Variants in RREB1 observed in about 807,000 individuals in gnomAD.
The protein encoded by RREB1 is ras-responsive element-binding protein 1.
A neutral mutation model predicts 117.8 loss-of-function variants in RREB1; 27 were observed. The observed-to-expected ratio is 0.23, with a 90% CI of 0.17 to 0.32. The LOEUF (loss-of-function observed/expected upper bound fraction) is 0.32, where lower values mean the gene tolerates loss of function less well. Ranked by LOEUF, RREB1 falls within the 10% of genes least tolerant of loss-of-function variation. The pLI, the probability that RREB1 is intolerant of heterozygous loss-of-function variation, is 1.00. For synonymous variants in RREB1, 1,298 were observed against 1,026.7 expected (o/e 1.26, Z -5.05); for missense variants, 2,577 against 2,378.2 (o/e 1.08, Z -1.74).
chr6:7,221,237 C>T (rs985389041), intron 8 of RREB1, among the ~76,000 whole-genome samples: 8 of 151,926 alleles, frequency 5.3e-5, no homozygotes, highest in Non-Finnish European at 1.0e-4. Flanking sequence ...GGCGCAATCT[C>T]GGCTCACTGC....
intron 6 of RREB1, among the ~76,000 whole-genome samples, chr6:7,197,247 T>A (rs1353959175): frequency 6.6e-6 from 1 of 152,236 alleles, no homozygotes; most frequent in Non-Finnish European, 1.5e-5. Flanking sequence ...AGGAAATTAA[T>A]TTTCACTTTG....
At chr6:7,197,345 G>A (rs557926872) in intron 6 of RREB1, among the ~76,000 whole-genome samples, 14 of 152,302 alleles carry the variant, frequency 9.2e-5, no homozygotes, top group Non-Finnish European at 1.8e-4. Flanking sequence ...ACCCTGGCAG[G>A]GGCAAGCTTT....
rs1013945417 is a variant in RREB1 at position 7,210,996 on chromosome 6, C to T, written c.570+48C>T. ...ATTCACCTGCTCAGGGGACTTCTGT[C>T]AGAAATACCACTAATCTTTATTTTC... is the stretch of plus-strand genomic sequence containing the variant. On this transcript the variant is annotated intron_variant, in intron 7 of 12. Coordinates refer to ENST00000379938, the MANE Select transcript of RREB1 (RefSeq NM_001003699.4). 4 of 1,559,180 alleles carry T rather than the reference C, an allele frequency of 2.6e-6. No homozygotes were observed. The Admixed American group carries it at 7.4e-5, about 29-fold the overall frequency.
chr6:7,181,845 C>A, intron 3 of RREB1, 25 bp from the exon 4 acceptor site: 1 of 1,536,230 alleles, frequency 6.5e-7, no homozygotes, highest in Non-Finnish European at 9.0e-7. Context: ...TCCCCATGAT[C>A]ACATCAGCAA....
chr6:7,246,335 G>GT (rs1435623810), intron 11 of RREB1, 89 bp from the exon 12 acceptor site: 2 of 1,200,674 alleles, frequency 1.7e-6, no homozygotes, highest in Non-Finnish European at 2.2e-6. Context: ...GGCTGCTGGC[G>GT]TGGGTCTAGC....
intron 2 of RREB1, among the ~76,000 whole-genome samples, chr6:7,179,355 C>G (rs970293670): frequency 2.6e-5 from 4 of 152,078 alleles, no homozygotes; most frequent in African/African-American, 9.6e-5. Context: ...AACTCCTGGG[C>G]TCAAGCAATC....
At position 7,229,410 on chromosome 6, in the gene RREB1, G is replaced by T; in HGVS notation, c.1311G>T (p.Leu437=). Residue 437 remains leucine, a synonymous_variant, in exon 10 of 13, where the codon CTG becomes CTT. Coordinates refer to ENST00000379938, the MANE Select transcript of RREB1 (RefSeq NM_001003699.4). This position sits in a 1 kb window ranked among gnomAD's most constrained non-coding sequence, Gnocchi z 4.5. ...LPATKDSIKH[L]SLQPFQKGFI... ...CGACCAAGGACAGCATAAAGCACCT[G>T]TCCCTGCAGCCCTTCCAGAAGGGCT... 6.2e-7 allele frequency: 1 copy of T among 1,614,170 alleles called. No individual in the cohort carries two copies. The highest frequency in any genetic ancestry group is 8.5e-7 in the Non-Finnish European group (1 of 1,180,016).
At position 7,230,538 on chromosome 6, in the gene RREB1, C is replaced by T. The variant is rs1035208656; in HGVS notation, c.2439C>T (p.His813=). 1.9e-6 allele frequency: 3 copies of T among 1,597,214 alleles called. No homozygotes were observed. Among genetic ancestry groups the T allele is most frequent in the Non-Finnish European group, 2.6e-6 (3 of 1,176,340 alleles). ...RNCIHHILKQ[H]LHVPEQDIES... is the part of the protein sequence containing the mutation. ...GCATCCACCACATCCTCAAGCAGCA[C>T]CTGCACGTGCCCGAGCAGGACATCG... Residue 813 remains histidine (H), a synonymous_variant, in exon 10 of 13, where the codon CAC becomes CAT. Coordinates refer to ENST00000379938, the MANE Select transcript of RREB1 (RefSeq NM_001003699.4).
chr6:7,160,711 G>A (rs984743585), intron 1 of RREB1, among the ~76,000 whole-genome samples: 19 of 150,372 alleles, frequency 1.3e-4, no homozygotes, highest in African/African-American at 3.4e-4. Context: ...TTTTTGAGAC[G>A]GAGTCTCATT....
At chr6:7,148,395 T>C (rs1277332894) in intron 1 of RREB1, among the ~76,000 whole-genome samples, 8 of 152,112 alleles carry the variant, frequency 5.3e-5, no homozygotes, top group South Asian at 2.1e-4. Context: ...CGGATTCCCA[T>C]TGGGGGAATT....
At chr6:7,174,408 A>T (rs1764397930) in intron 1 of RREB1, among the ~76,000 whole-genome samples, 1 of 151,822 alleles carries the variant, frequency 6.6e-6, no homozygotes, top group African/African-American at 2.4e-5. Context: ...TTTCTCTAAA[A>T]CCATCCTCTC....
chr6:7,250,066 G>A lies in RREB1; in HGVS notation c.*1098G>A, dbSNP rs1264595950. ...AGGAGCAGCTCAGAGAGGGTGGAGT[G>A]AGGATGCATGCATCCAGGGAACAGG... is the stretch of plus-strand genomic sequence containing the variant. On this transcript the variant is annotated 3_prime_UTR_variant, in exon 13 of 13. Coordinates refer to ENST00000379938, the MANE Select transcript of RREB1 (RefSeq NM_001003699.4). 6.6e-6 allele frequency: 1 copy of A among 152,636 alleles called. No individual in the cohort carries two copies. The highest frequency in any genetic ancestry group is 2.4e-5 in the African/African-American group (1 of 41,434). 9.5% of individuals were successfully genotyped at this position (152,636 alleles called of 1,614,324 possible). A position where few individuals can be genotyped will look rare whatever the true frequency, so the allele number is the denominator to read the frequency against.
At position 7,229,401 on chromosome 6, in the gene RREB1, A is replaced by G. The variant is rs142961197; in HGVS notation, c.1302A>G (p.Ile434Met). Reference sequence around the variant, plus strand: ...TTCTCCCCGCGACCAAGGACAGCATAAAGCACCTGTCCCTGCAGCCCTTCC... The same window carrying G: ...TTCTCCCCGCGACCAAGGACAGCATGAAGCACCTGTCCCTGCAGCCCTTCC... ...LTVLPATKDS[I>M]KHLSLQPFQK... The change falls in exon 10 of 13, where the codon ATA becomes ATG. Residue 434 changes from isoleucine to methionine, a missense_variant. Physicochemically the swap from Ile to Met is conservative, Grantham distance 10. Transcript: ENST00000379938. The surrounding 1 kb of genome is among the most constrained non-coding windows in gnomAD (Gnocchi z 4.5). 2.7e-5 allele frequency: 44 copies of G among 1,614,006 alleles called. No homozygotes were observed. The highest frequency in any genetic ancestry group is 3.6e-5 in the Non-Finnish European group (43 of 1,179,998).
chr6:7,122,981 T>C (rs1561728104), intron 1 of RREB1, among the ~76,000 whole-genome samples: 1 of 152,226 alleles, frequency 6.6e-6, no homozygotes. Flanking sequence ...CCACACATAC[T>C]CTCTGTTGGG....
At chr6:7,156,137 A>G (rs1010735443) in intron 1 of RREB1, among the ~76,000 whole-genome samples, 1 of 152,234 alleles carries the variant, frequency 6.6e-6, no homozygotes, top group Non-Finnish European at 1.5e-5. Context: ...TTAAGAGTCT[A>G]GACTTTTCGT....
In RREB1 at chr6:7,229,734, G is replaced by A. The variant is rs773182864; in HGVS notation, c.1635G>A (p.Pro545=). The change falls in exon 10 of 13, where the codon CCG becomes CCA. Residue 545 remains proline (P), a synonymous_variant. Transcript: ENST00000379938. This position sits in a 1 kb window ranked among gnomAD's most constrained non-coding sequence, Gnocchi z 4.5. ...GTATCAGCCCCAGCCTGCCGCCACCGCCCCTGAAGCTCCTCAAAGGCTCAG... is the reference window on the plus strand; with the variant it reads ...GTATCAGCCCCAGCCTGCCGCCACCACCCCTGAAGCTCCTCAAAGGCTCAG... ...PGCISPSLPP[P]PLKLLKGSVE... is the part of the protein sequence containing the mutation. The A allele has an allele frequency of 4.4e-6, 7 of 1,599,608 alleles. No individual in the cohort carries two copies. Among genetic ancestry groups the A allele is most frequent in the Admixed American group, 3.4e-5 (2 of 59,082 alleles).
intron 11 of RREB1, among the ~76,000 whole-genome samples, chr6:7,241,346 C>A (rs970363739): frequency 3.3e-5 from 5 of 152,162 alleles, no homozygotes; most frequent in African/African-American, 4.8e-5. Flanking sequence ...TCCATCCTCA[C>A]CCCCAAGAGC....
intron 1 of RREB1, among the ~76,000 whole-genome samples, chr6:7,116,767 AG>A (rs1190208416): frequency 6.6e-6 from 1 of 152,250 alleles, no homozygotes; most frequent in African/African-American, 2.4e-5. Context: ...CTAAAATAAA[AG>A]TTGGCTCAGC....
rs1463058546 is a variant in RREB1, at chr6:7,229,251, G to A, written c.1152G>A (p.Leu384=). 6.2e-7 allele frequency: 1 copy of A among 1,613,930 alleles called. No individual in the cohort carries two copies. Among genetic ancestry groups the A allele is most frequent in the African/African-American group, 1.3e-5 (1 of 74,890 alleles). ...GGCCTGCCCCCGCCGAGGAGCCCCT[G>A]CCGGATGACAACCAGGCAATTCAGC... The part of the protein sequence containing the change: ...DVRPAPAEEP[L]PDDNQAIQLQ... Residue 384 remains leucine (L), a synonymous_variant, in exon 10 of 13, where the codon CTG becomes CTA. Coordinates refer to ENST00000379938, the MANE Select transcript of RREB1 (RefSeq NM_001003699.4). This position sits in a 1 kb window ranked among gnomAD's most constrained non-coding sequence, Gnocchi z 4.5.
Sources: allele counts gnomAD v4.1 joint callset (sites outside exome capture counted in the v4.1 genomes callset), GRCh38; gene constraint gnomAD v4.1.1; non-coding constraint Gnocchi (gnomAD v3.1); transcripts MANE v1.5; gene names NCBI Gene and HGNC (gene_info 2026-07-23, HGNC 2026-07-21).